Variants in CELF2 observed in about 807,000 individuals in gnomAD.
The protein encoded by CELF2 is CUG triplet repeat RNA-binding protein 2.
In CELF2, 8 loss-of-function variants were observed where a neutral mutation model predicts 62.6. That is an observed-to-expected ratio of 0.13 (90% CI 0.07 to 0.23). The LOEUF (loss-of-function observed/expected upper bound fraction) is 0.23. Ranked by LOEUF, CELF2 falls within the 10% of genes least tolerant of loss-of-function variation. The pLI is 1.00. For missense variants in CELF2, 333 were observed against 671.0 expected, an observed-to-expected ratio of 0.50 and a Z score of 5.56; for synonymous variants, 258 against 250.0, an observed-to-expected ratio of 1.03 and a Z score of -0.30.
chr10:10,970,875 GTTTTC>G (rs944882772), intron 2 of CELF2: 7 of 150,764 alleles, frequency 4.6e-5, no homozygotes, highest in African/African-American at 1.7e-4. Context: ...AGAAAACTTT[GTTTTC>G]TTTTCTTTGT....
At chr10:11,327,546 G>A (rs919001791) in intron 12 of CELF2, among the ~76,000 whole-genome samples, 1 of 152,132 alleles carries the variant, frequency 6.6e-6, no homozygotes, top group Non-Finnish European at 1.5e-5. Flanking sequence ...ATAAGGTAGT[G>A]CCCCGTTCCT....
At position 11,260,791 on chromosome 10, in the gene CELF2, T is replaced by A. The variant is rs2080295447; in HGVS notation, c.538+2919T>A. 6.6e-6 allele frequency among the ~76,000 whole-genome samples: 1 copy of A among 152,212 alleles called. No homozygotes were observed. Among genetic ancestry groups the A allele is most frequent in the Non-Finnish European group, 1.5e-5 (1 of 68,036 alleles). On this transcript the variant is annotated intron_variant, in intron 5 of 12. Coordinates refer to ENST00000633077, the MANE Select transcript of CELF2 (RefSeq NM_001326342.2). The surrounding 1 kb of genome is among the most constrained non-coding windows in gnomAD (Gnocchi z 4.2). ...GAGAACTGAAGACAGACAGTGGTAC[T>A]TTTTTCAATTCGCAGGACCCAGGGA... is the stretch of plus-strand genomic sequence containing the variant.
chr10:10,562,248 A>G, the CELF2 span, among the ~76,000 whole-genome samples: 1 of 152,286 alleles, frequency 6.6e-6, no homozygotes, highest in Non-Finnish European at 1.5e-5. Context: ...CCTTGTGTAG[A>G]TGGTGGGCAG....
In CELF2 at chr10:10,897,063, G is replaced by T. The variant is rs148990749; in HGVS notation, c.54-22901G>T. On this transcript the variant is annotated intron_variant, in intron 1 of 13. Coordinates refer to the CELF2 transcript ENST00000636488. ...GGAAGAATTTTGAGGCACCATGACA[G>T]AAAAAAGCCTAGAATTCCTTGAAGA... is the stretch of plus-strand genomic sequence containing the variant. 3.9e-4 allele frequency among the ~76,000 whole-genome samples: 60 copies of T among 152,218 alleles called. 3 individuals are homozygous for T. In the East Asian group the frequency reaches 0.01, roughly 26 times the overall value.
chr10:11,151,376 C>T (rs538016284), intron 1 of CELF2, among the ~76,000 whole-genome samples: 3 of 152,098 alleles, frequency 2.0e-5, no homozygotes, highest in East Asian at 3.9e-4. Context: ...GGGAAAGAGA[C>T]GAGGGAGTGT....
chr10:10,675,514 G>T, the CELF2 span, among the ~76,000 whole-genome samples: 1 of 152,010 alleles, frequency 6.6e-6, no homozygotes, highest in Non-Finnish European at 1.5e-5. Flanking sequence ...GTGGTTTGGT[G>T]TCTGACATAA....
chr10:10,718,939 T>C, the CELF2 span, among the ~76,000 whole-genome samples: 91,249 of 151,100 alleles, frequency 0.6, 30,062 homozygotes, highest in Non-Finnish European at 0.75. Flanking sequence ...AGACTAACTG[T>C]TTTTCTGAAA....
the CELF2 span, among the ~76,000 whole-genome samples, chr10:10,630,763 G>A: frequency 2.0e-5 from 3 of 152,164 alleles, no homozygotes; most frequent in South Asian, 6.2e-4. Context: ...CATTTATAGG[G>A]TCTGCAATGC....
At chr10:10,726,625 C>T in the CELF2 span, among the ~76,000 whole-genome samples, 1 of 152,096 alleles carries the variant, frequency 6.6e-6, no homozygotes, top group Admixed American at 6.5e-5. Flanking sequence ...GTGTTTGCTC[C>T]ATTTGGTCAT....
chr10:10,550,202 T>G, the CELF2 span, among the ~76,000 whole-genome samples: 1 of 152,110 alleles, frequency 6.6e-6, no homozygotes, highest in African/African-American at 2.4e-5. Flanking sequence ...GAAAAGAAAA[T>G]GTTACTAAGC....
chr10:11,300,851 C>A lies in CELF2; in HGVS notation c.976+12299C>A, dbSNP rs527358629. Among the ~76,000 whole-genome samples the A allele has an allele frequency of 6.6e-6, 1 of 151,792 alleles. No homozygotes were observed. Among genetic ancestry groups the A allele is most frequent in the Non-Finnish European group, 1.5e-5 (1 of 68,020 alleles). ...CTCCGTGTTTACAATGATTTTATTTCCTAAACCACAAAGCCACTGTGTTTT... is the reference window on the plus strand; with the variant it reads ...CTCCGTGTTTACAATGATTTTATTTACTAAACCACAAAGCCACTGTGTTTT... On this transcript the variant is annotated intron_variant, in intron 9 of 12. Coordinates refer to ENST00000633077, the MANE Select transcript of CELF2 (RefSeq NM_001326342.2). This position sits in a 1 kb window ranked among gnomAD's most constrained non-coding sequence, Gnocchi z 5.5.
chr10:11,309,550 A>G lies in CELF2; in HGVS notation c.977-4589A>G, dbSNP rs2094453466. Among the ~76,000 whole-genome samples, 1 of 151,676 alleles carries G rather than the reference A, an allele frequency of 6.6e-6. No homozygotes were observed. Among genetic ancestry groups the G allele is most frequent in the Non-Finnish European group, 1.5e-5 (1 of 67,948 alleles). On this transcript the variant is annotated intron_variant, in intron 9 of 12. Coordinates refer to ENST00000633077, the MANE Select transcript of CELF2 (RefSeq NM_001326342.2). The surrounding 1 kb of genome is among the most constrained non-coding windows in gnomAD (Gnocchi z 5.6). Reference sequence around the variant, plus strand: ...CACTTCCAGCTGTTAGCCTCCACTAATCTTCAGTTGTTTGCGCTATTATTT... The same window carrying G: ...CACTTCCAGCTGTTAGCCTCCACTAGTCTTCAGTTGTTTGCGCTATTATTT...
At chr10:11,161,449 C>T (rs1472862728) in intron 1 of CELF2, among the ~76,000 whole-genome samples, 1 of 152,238 alleles carries the variant, frequency 6.6e-6, no homozygotes, top group African/African-American at 2.4e-5. Context: ...ACTCATGGAA[C>T]GTGAAGCAGA....
At chr10:10,584,766 C>T in the CELF2 span, among the ~76,000 whole-genome samples, 1 of 152,164 alleles carries the variant, frequency 6.6e-6, no homozygotes, top group Admixed American at 6.6e-5. Context: ...CCTGTCTCTG[C>T]TGTCCAATGC....
the CELF2 span, among the ~76,000 whole-genome samples, chr10:10,519,800 A>G: frequency 6.6e-6 from 1 of 152,212 alleles, no homozygotes; most frequent in Non-Finnish European, 1.5e-5. Context: ...TCAATTCAAA[A>G]GGCACGTGAG....
chr10:10,545,610 T>C, the CELF2 span, among the ~76,000 whole-genome samples: 1 of 152,258 alleles, frequency 6.6e-6, no homozygotes, highest in Admixed American at 6.5e-5. Flanking sequence ...TCTAATATTC[T>C]GTCATAATAT....
rs2136164146 is a variant in CELF2 at position 11,224,932 on chromosome 10, A to G, written c.354+7425A>G. Among the ~76,000 whole-genome samples the G allele has an allele frequency of 6.6e-6, 1 of 152,278 alleles. No individual in the cohort carries two copies. Among genetic ancestry groups the G allele is most frequent in the Non-Finnish European group, 1.5e-5 (1 of 68,008 alleles). On this transcript the variant is annotated intron_variant, in intron 3 of 12. Transcript: ENST00000633077. This position sits in a 1 kb window ranked among gnomAD's most constrained non-coding sequence, Gnocchi z 4.5. ...GCCAAGGCCAGGATCAGAGGGAGTC[A>G]GGGCTCTGCCGGATATGGTCTGGTT...
the CELF2 span, among the ~76,000 whole-genome samples, chr10:10,477,924 A>G: frequency 1.3e-5 from 2 of 152,140 alleles, no homozygotes; most frequent in African/African-American, 4.8e-5. Flanking sequence ...ATAATGGGGC[A>G]GTTTATTATT....
the CELF2 span, among the ~76,000 whole-genome samples, chr10:10,670,189 A>G: frequency 1.3e-5 from 2 of 152,188 alleles, no homozygotes; most frequent in Non-Finnish European, 2.9e-5. Flanking sequence ...GGCGTGAGCC[A>G]TCGCTCCTGG....
Sources: gnomAD v4.1 joint callset for allele counts (sites outside exome capture counted in the v4.1 genomes callset) on GRCh38, gnomAD v4.1.1 for gene constraint, Gnocchi (gnomAD v3.1) non-coding constraint, MANE v1.5 for transcripts, NCBI Gene and HGNC (gene_info 2026-07-23, HGNC 2026-07-21) for gene names.